The following ARIH1 variants were observed in gnomAD, a reference collection of about 807,000 sequenced individuals.
The protein encoded by ARIH1 is ariadne RBR E3 ubiquitin protein ligase 1, also known as E3 ubiquitin-protein ligase ARIH1.
In ARIH1, 8 loss-of-function variants were observed where a neutral mutation model predicts 85.0. The observed-to-expected ratio is 0.09, with a 90% confidence interval of 0.06 to 0.17. ARIH1 has a LOEUF of 0.17. Among genes scored for constraint, ARIH1 ranks in the 10% least tolerant of loss-of-function variants. The pLI is 1.00. For synonymous variants in ARIH1, 238 were observed against 253.6 expected (o/e 0.94, Z 0.59); for missense variants, 311 against 718.1 (o/e 0.43, Z 6.48).
chr15:72,511,943 C>T (rs770128050), intron 1 of ARIH1, among the ~76,000 whole-genome samples: 8 of 151,678 alleles, frequency 5.3e-5, no homozygotes, highest in Non-Finnish European at 8.8e-5. Context: ...GACTTTTCTT[C>T]ATTAGGCTTT....
In ARIH1 at chr15:72,598,580, G is replaced by T. The variant is rs2140448168; in HGVS notation, c.*15288G>T. On this transcript the variant is annotated 3_prime_UTR_variant, in exon 14 of 14. Coordinates refer to ENST00000379887, the MANE Select transcript of ARIH1 (RefSeq NM_005744.5). ...AATACTAAAATTAGCCAGGTGTGGT[G>T]GTGGGCGCCTGTAATCCCAGCTACT... 6.6e-6 allele frequency: 1 copy of T among 151,828 alleles called. No homozygotes were observed. The highest frequency in any genetic ancestry group is 1.9e-4 in the East Asian group (1 of 5,134). 9.4% of individuals were successfully genotyped at this position (151,828 alleles called of 1,614,324 possible).
At chr15:72,565,127 C>T (rs1047860293) in intron 7 of ARIH1, among the ~76,000 whole-genome samples, 2 of 152,162 alleles carry the variant, frequency 1.3e-5, no homozygotes, top group African/African-American at 4.8e-5. Flanking sequence ...TGCAGTGGCA[C>T]GATCTCGCAC....
rs182304229 is a variant in ARIH1, at chr15:72,478,057, C to T, written c.375+3043C>T. Among the ~76,000 whole-genome samples, 393 of 152,248 alleles carry T rather than the reference C, an allele frequency of 2.6e-3. 1 individual carries two copies. Among genetic ancestry groups the T allele is most frequent in the Non-Finnish European group, 4.6e-3 (315 of 68,018 alleles). ...CTGGCCTCAAGTGATCTGCCCTTCT[C>T]GGCCTCCCAAAGTGCTGGGATTACA... On this transcript the variant is annotated intron_variant, in intron 1 of 13. Transcript: ENST00000379887.
At chr15:72,579,195 C>G (rs182422441) in intron 11 of ARIH1, among the ~76,000 whole-genome samples, 177 of 152,200 alleles carry the variant, frequency 1.2e-3, no homozygotes, top group African/African-American at 3.9e-3. Context: ...TTCTCTTCCC[C>G]CCTCCTTGCT....
intron 1 of ARIH1, among the ~76,000 whole-genome samples, chr15:72,489,242 T>A (rs1338611061): frequency 1.1e-5 from 1 of 88,782 alleles, no homozygotes; most frequent in African/African-American, 3.8e-5. Flanking sequence ...GGTGAGACCA[T>A]GTCTCAAAAA....
chr15:72,548,032 C>CACT (rs2140425744), intron 3 of ARIH1, among the ~76,000 whole-genome samples: 1 of 152,326 alleles, frequency 6.6e-6, no homozygotes, highest in East Asian at 1.9e-4. Context: ...TCATTGAACA[C>CACT]ACTAGGCACT....
chr15:72,550,375 T>C (rs966475479), intron 3 of ARIH1, among the ~76,000 whole-genome samples: 1 of 152,206 alleles, frequency 6.6e-6, no homozygotes, highest in Non-Finnish European at 1.5e-5. Flanking sequence ...TTGATCTCTG[T>C]TAAGGATTCC....
At chr15:72,498,666 A>G (rs528351528) in intron 1 of ARIH1, among the ~76,000 whole-genome samples, 3 of 152,132 alleles carry the variant, frequency 2.0e-5, no homozygotes, top group Non-Finnish European at 4.4e-5. Context: ...CAACATGGCG[A>G]AACCCCGTCT....
At chr15:72,497,715 T>G (rs777264529) in intron 1 of ARIH1, among the ~76,000 whole-genome samples, 19 of 152,146 alleles carry the variant, frequency 1.2e-4, no homozygotes, top group Non-Finnish European at 2.4e-4. Context: ...AAGAAGAGGC[T>G]ATGTTTTCCT....
chr15:72,556,915 C>T (rs903516172), intron 5 of ARIH1, among the ~76,000 whole-genome samples: 1 of 152,174 alleles, frequency 6.6e-6, no homozygotes, highest in South Asian at 2.1e-4. Flanking sequence ...TTTATGACTG[C>T]ATAGTGTTTC....
At chr15:72,544,575 CAT>C (rs1214147144) in intron 2 of ARIH1, among the ~76,000 whole-genome samples, 2 of 151,974 alleles carry the variant, frequency 1.3e-5, no homozygotes, top group Admixed American at 6.5e-5. Flanking sequence ...CACACACACT[CAT>C]ATATATGAGA....
rs563770547 is a variant in ARIH1 at position 72,583,921 on chromosome 15, G to A, written c.*629G>A. The A allele has an allele frequency of 6.6e-6, 1 of 152,246 alleles. No individual in the cohort carries two copies. The highest frequency in any genetic ancestry group is 1.9e-4 in the East Asian group (1 of 5,190). 9.4% of individuals were successfully genotyped at this position (152,246 alleles called of 1,614,324 possible). On this transcript the variant is annotated 3_prime_UTR_variant, in exon 14 of 14. Transcript: ENST00000379887. ...AGTATTTTTCAAAATTGTATATAGC[G>A]CATATGCATGGACAAAGCAAGCGTG...
rs1340454402 is a variant in ARIH1 at position 72,593,150 on chromosome 15, C to G, written c.*9858C>G. 6.6e-6 allele frequency: 1 copy of G among 152,126 alleles called. No individual in the cohort carries two copies. The highest frequency in any genetic ancestry group is 2.4e-5 in the African/African-American group (1 of 41,432). The allele number at this position is 152,126 out of a possible 1,614,324, so 9.4% of individuals were successfully genotyped here. On this transcript the variant is annotated 3_prime_UTR_variant, in exon 14 of 14. Transcript: ENST00000379887. The stretch of plus-strand genomic sequence containing the variant: ...TGATTTTAATTTACATTACATTTCC[C>G]TGATTAATGAGTTGAGCACTTTTTC...
intron 3 of ARIH1, among the ~76,000 whole-genome samples, chr15:72,545,742 T>C (rs1214242341): frequency 6.6e-6 from 1 of 152,224 alleles, no homozygotes; most frequent in Non-Finnish European, 1.5e-5. Context: ...GGCATGAGAA[T>C]TGCTTGAGCC....
At chr15:72,529,470 T>C (rs1375351807) in intron 2 of ARIH1, among the ~76,000 whole-genome samples, 1 of 152,172 alleles carries the variant, frequency 6.6e-6, no homozygotes, top group African/African-American at 2.4e-5. Flanking sequence ...ACTCAAGCAG[T>C]CCTCCTCTCT....
At chr15:72,521,988 C>T (rs2064002317) in intron 2 of ARIH1, among the ~76,000 whole-genome samples, 1 of 152,108 alleles carries the variant, frequency 6.6e-6, no homozygotes, top group Admixed American at 6.5e-5. Flanking sequence ...GCTTTTCTTC[C>T]TGCATCCATT....
chr15:72,496,477 C>A (rs1470588408), intron 1 of ARIH1, among the ~76,000 whole-genome samples: 1 of 152,120 alleles, frequency 6.6e-6, no homozygotes, highest in African/African-American at 2.4e-5. Context: ...AGTTTATGTA[C>A]CAAAGAGCAA....
At chr15:72,550,056 A>G (rs966307776) in intron 3 of ARIH1, among the ~76,000 whole-genome samples, 3 of 152,206 alleles carry the variant, frequency 2.0e-5, no homozygotes, top group Non-Finnish European at 2.9e-5. Flanking sequence ...AAGCACAATG[A>G]ATATGTATCT....
intron 1 of ARIH1, among the ~76,000 whole-genome samples, chr15:72,484,908 T>C (rs896135660): frequency 2.0e-5 from 3 of 152,074 alleles, no homozygotes; most frequent in Admixed American, 6.6e-5. Context: ...GCAAGTATCT[T>C]TTTCGTATAA....
Sources: allele counts gnomAD v4.1 joint callset (sites outside exome capture counted in the v4.1 genomes callset), GRCh38; gene constraint gnomAD v4.1.1; transcripts MANE v1.5; gene names NCBI Gene and HGNC (gene_info 2026-07-23, HGNC 2026-07-21).